The following ADGRL2 variants were observed in gnomAD, a reference collection of about 807,000 sequenced individuals.
ADGRL2 encodes adhesion G protein-coupled receptor L2, also known as calcium-independent alpha-latrotoxin receptor 2.
A neutral mutation model predicts 157.4 loss-of-function variants in ADGRL2; 44 were observed. That is an observed-to-expected ratio of 0.28 (90% CI 0.22 to 0.36). ADGRL2 has a LOEUF of 0.36. ADGRL2 is among the 10% of genes least tolerant of loss of function. ADGRL2 has a pLI of 1.00. For missense variants in ADGRL2, 1,510 were observed against 1,768.9 expected (o/e 0.85, Z 2.63); for synonymous variants, 585 against 624.7 (o/e 0.94, Z 0.95).
chr1:81,472,097 AAT>A (rs2078183687), intron 2 of ADGRL2, among the ~76,000 whole-genome samples: 1 of 152,176 alleles, frequency 6.6e-6, no homozygotes, highest in Non-Finnish European at 1.5e-5. Context: ...TTTCCTTTGA[AAT>A]TAGGGAGTCA....
chr1:81,713,696 T>C (rs2149089747), intron 1 of ADGRL2, among the ~76,000 whole-genome samples: 1 of 152,270 alleles, frequency 6.6e-6, no homozygotes, highest in African/African-American at 2.4e-5. Flanking sequence ...TTATTATCCA[T>C]ATGCTGCTGA....
chr1:81,984,772 T>C (rs1387834344), intron 20 of ADGRL2, 61 bp downstream of exon 20: 3 of 1,555,990 alleles, frequency 1.9e-6, no homozygotes, highest in Non-Finnish European at 2.6e-6. Context: ...TACTGAGACA[T>C]GTTCTGTTCA....
chr1:81,954,106 T>C (rs1049544869), intron 10 of ADGRL2, among the ~76,000 whole-genome samples: 1 of 152,144 alleles, frequency 6.6e-6, no homozygotes, highest in Non-Finnish European at 1.5e-5. Flanking sequence ...ATCTATAGAA[T>C]TTTTTTAAAC....
chr1:81,375,976 T>A (rs1373193328), intron 1 of ADGRL2, among the ~76,000 whole-genome samples: 8 of 152,180 alleles, frequency 5.3e-5, no homozygotes, highest in African/African-American at 1.9e-4. Flanking sequence ...ATAAAATTAA[T>A]GAATTCAATT....
chr1:81,877,966 A>G (rs1258417223), intron 2 of ADGRL2, among the ~76,000 whole-genome samples: 2 of 152,190 alleles, frequency 1.3e-5, no homozygotes, highest in Non-Finnish European at 2.9e-5. Context: ...CAGATTTTTT[A>G]AAAACTGGCT....
In ADGRL2 at chr1:81,501,849, T is replaced by C; in HGVS notation, c.-248+56760T>C. On this transcript the variant is annotated intron_variant, in intron 2 of 24. Coordinates refer to the ADGRL2 transcript ENST00000370721. Reference sequence around the variant, plus strand: ...CAGAAGCAGCCACACCTGGCTCCTCTGCAGATGGATGCCAGAGAGAAGCAG... The same window carrying C: ...CAGAAGCAGCCACACCTGGCTCCTCCGCAGATGGATGCCAGAGAGAAGCAG... 25 of 1,596,848 alleles carry C rather than the reference T, an allele frequency of 1.6e-5. No individual in the cohort carries two copies. The South Asian group carries it at 2.0e-4, about 13-fold the overall frequency.
intron 2 of ADGRL2, among the ~76,000 whole-genome samples, chr1:81,786,406 T>C (rs999694594): frequency 6.6e-6 from 1 of 152,048 alleles, no homozygotes; most frequent in African/African-American, 2.4e-5. Context: ...GGTAAAACCT[T>C]GTCTCTACTA....
chr1:81,798,432 TACAC>T (rs1247543131), upstream of ADGRL2, among the ~76,000 whole-genome samples: 1 of 152,170 alleles, frequency 6.6e-6, no homozygotes, highest in Non-Finnish European at 1.5e-5. Flanking sequence ...AACATTGTCT[TACAC>T]AAGCAGTATT....
intron 2 of ADGRL2, among the ~76,000 whole-genome samples, chr1:81,539,682 G>T (rs534314442): frequency 6.6e-6 from 1 of 151,978 alleles, no homozygotes; most frequent in African/African-American, 2.4e-5. Context: ...GACTGACAAC[G>T]TAAGGACTCT....
At chr1:81,961,652 C>A (rs1309683074) in intron 11 of ADGRL2, among the ~76,000 whole-genome samples, 3 of 151,678 alleles carry the variant, frequency 2.0e-5, no homozygotes, top group Non-Finnish European at 2.9e-5. Flanking sequence ...AGACTACAGG[C>A]ATGCATCACT....
intron 2 of ADGRL2, among the ~76,000 whole-genome samples, chr1:81,890,304 T>G (rs2094227915): frequency 6.6e-6 from 1 of 152,234 alleles, no homozygotes; most frequent in Non-Finnish European, 1.5e-5. Flanking sequence ...AATTCCATAG[T>G]GTAAACAGAT....
intron 2 of ADGRL2, among the ~76,000 whole-genome samples, chr1:81,866,935 A>T (rs1346114483): frequency 1.3e-5 from 2 of 152,126 alleles, no homozygotes; most frequent in Non-Finnish European, 2.9e-5. Flanking sequence ...ATCTTAGGTG[A>T]CTTTTAACAA....
At chr1:81,670,474 C>T (rs2148913975) in intron 3 of ADGRL2, among the ~76,000 whole-genome samples, 1 of 152,254 alleles carries the variant, frequency 6.6e-6, no homozygotes, top group East Asian at 1.9e-4. Context: ...ACTCCTCTGG[C>T]ACGAAGCCTA....
chr1:81,453,303 T>C (rs1223742310), intron 2 of ADGRL2, among the ~76,000 whole-genome samples: 27 of 152,164 alleles, frequency 1.8e-4, no homozygotes, highest in Admixed American at 1.8e-3. Flanking sequence ...TTTCATTTTC[T>C]GGAAATTGCG....
intron 2 of ADGRL2, among the ~76,000 whole-genome samples, chr1:81,862,939 T>C (rs2093431447): frequency 6.6e-6 from 1 of 152,142 alleles, no homozygotes. Context: ...ATAAGCATAA[T>C]ACTGGTTTCT....
intron 2 of ADGRL2, among the ~76,000 whole-genome samples, chr1:81,771,363 G>C (rs1345617944): frequency 6.6e-6 from 1 of 152,102 alleles, no homozygotes; most frequent in Admixed American, 6.6e-5. Context: ...TTACTGAATG[G>C]GGTGAATCTG....
At chr1:81,983,724 C>G (rs1249871634) in intron 19 of ADGRL2, among the ~76,000 whole-genome samples, 1 of 152,068 alleles carries the variant, frequency 6.6e-6, no homozygotes, top group East Asian at 1.9e-4. Context: ...AGCACCCTCT[C>G]CCTCTTAATT....
intron 2 of ADGRL2, among the ~76,000 whole-genome samples, chr1:81,472,504 G>A (rs1247952320): frequency 6.6e-6 from 1 of 152,082 alleles, no homozygotes; most frequent in Non-Finnish European, 1.5e-5. Context: ...GGTGGCACAC[G>A]CCTGTAATCC....
intron 1 of ADGRL2, among the ~76,000 whole-genome samples, chr1:81,436,309 G>A (rs2077408434): frequency 1.3e-5 from 2 of 152,118 alleles, no homozygotes; most frequent in Non-Finnish European, 2.9e-5. Flanking sequence ...TTGTTCTAGA[G>A]GGGACTTACA....
Sources: allele counts gnomAD v4.1 joint callset (sites outside exome capture counted in the v4.1 genomes callset), GRCh38; gene constraint gnomAD v4.1.1; transcripts MANE v1.5; gene names NCBI Gene and HGNC (gene_info 2026-07-23, HGNC 2026-07-21).